The following PPARGC1A variants were observed in gnomAD, a reference collection of about 807,000 sequenced individuals.
The protein encoded by PPARGC1A is peroxisome proliferator-activated receptor gamma coactivator 1-alpha.
In PPARGC1A, 25 loss-of-function variants were observed where a neutral mutation model predicts 88.7. The ratio of observed to expected loss-of-function variants is 0.28; its 90% CI spans 0.21 to 0.39. PPARGC1A has a LOEUF of 0.39. Among genes scored for constraint, PPARGC1A ranks in the 10% least tolerant of loss-of-function variants. The probability of loss-of-function intolerance (pLI) is 1.00; values close to 1 mark genes in which losing one functional copy is unlikely to be tolerated. For synonymous variants in PPARGC1A, 363 were observed against 355.6 expected, an observed-to-expected ratio of 1.02 and a Z score of -0.24; for missense variants, 880 against 968.7, an observed-to-expected ratio of 0.91 and a Z score of 1.22.
chr4:24,109,298 T>TATACACAC, the PPARGC1A span, among the ~76,000 whole-genome samples: 1 of 131,872 alleles, frequency 7.6e-6, no homozygotes, highest in East Asian at 2.4e-4. Context: ...CATTTCATTA[T>TATACACAC]ACACACACAC....
At chr4:24,411,294 A>C in the PPARGC1A span, among the ~76,000 whole-genome samples, 1 of 152,196 alleles carries the variant, frequency 6.6e-6, no homozygotes, top group Non-Finnish European at 1.5e-5. Context: ...TTTACAATTA[A>C]CTCATAAGCT....
At chr4:23,835,198 C>T (rs564018701) in intron 2 of PPARGC1A, among the ~76,000 whole-genome samples, 6 of 152,272 alleles carry the variant, frequency 3.9e-5, no homozygotes, top group South Asian at 2.1e-4. Context: ...AATACAATGG[C>T]GCCTTAGCTC....
chr4:23,893,450 A>C (rs994583644), upstream of PPARGC1A, among the ~76,000 whole-genome samples: 4 of 152,186 alleles, frequency 2.6e-5, no homozygotes, highest in African/African-American at 9.6e-5. Context: ...TATTAGGATA[A>C]ATATATTTGT....
chr4:23,879,767 T>C (rs1560502467), intron 2 of PPARGC1A, among the ~76,000 whole-genome samples: 1 of 152,148 alleles, frequency 6.6e-6, no homozygotes, highest in Non-Finnish European at 1.5e-5. Context: ...AAATACCACC[T>C]CCATTATGTT....
the PPARGC1A span, among the ~76,000 whole-genome samples, chr4:24,061,054 TG>T: frequency 7.3e-4 from 109 of 150,192 alleles, no homozygotes; most frequent in African/African-American, 2.3e-3. Context: ...TTATTTGTTC[TG>T]GAAAAAAAAA....
the PPARGC1A span, among the ~76,000 whole-genome samples, chr4:24,223,019 C>G: frequency 6.6e-6 from 1 of 152,136 alleles, no homozygotes; most frequent in Non-Finnish European, 1.5e-5. Context: ...CACATATACT[C>G]AAGCATACCT....
chr4:23,961,574 G>A, the PPARGC1A span, among the ~76,000 whole-genome samples: 1 of 152,220 alleles, frequency 6.6e-6, no homozygotes, highest in South Asian at 2.1e-4. Context: ...GACTGAGAAG[G>A]ACTCGCTATC....
the PPARGC1A span, among the ~76,000 whole-genome samples, chr4:23,989,366 A>G: frequency 0.15 from 23,401 of 151,870 alleles, 1,892 homozygotes; most frequent in South Asian, 0.19. Context: ...CAAGTGGGTA[A>G]GGGAATAGGG....
the PPARGC1A span, among the ~76,000 whole-genome samples, chr4:24,080,084 C>T: frequency 2.0e-5 from 3 of 151,980 alleles, no homozygotes; most frequent in Non-Finnish European, 2.9e-5. Context: ...CAGAAAACTA[C>T]AGAAGCAACA....
At chr4:23,829,643 T>C (rs1458873504) in intron 3 of PPARGC1A, 58 bp from the exon 4 acceptor site, 2 of 1,488,132 alleles carry the variant, frequency 1.3e-6, no homozygotes, top group Non-Finnish European at 1.8e-6. Flanking sequence ...TTTTAAGCAT[T>C]GGAATAAGTT....
upstream of PPARGC1A, chr4:23,890,052 G>A (rs770375672): frequency 1.4e-4 from 221 of 1,570,980 alleles, 1 homozygote; most frequent in Middle Eastern, 3.4e-4. Context: ...CTTACTGAGA[G>A]TGAACTGAAG....
the PPARGC1A span, among the ~76,000 whole-genome samples, chr4:24,171,386 C>T: frequency 6.6e-6 from 1 of 151,932 alleles, no homozygotes; most frequent in African/African-American, 2.4e-5. Context: ...AGCCTGGTAA[C>T]AGAGCGAGAC....
At chr4:24,194,612 ACGCG>A in the PPARGC1A span, among the ~76,000 whole-genome samples, 263 of 56,714 alleles carry the variant, frequency 4.6e-3, 3 homozygotes, top group African/African-American at 0.011. Context: ...GCTGGCACAC[ACGCG>A]CGCGCACGCG....
At chr4:23,943,578 C>T in the PPARGC1A span, among the ~76,000 whole-genome samples, 4 of 152,016 alleles carry the variant, frequency 2.6e-5, no homozygotes, top group Non-Finnish European at 4.4e-5. Flanking sequence ...GTGGAACATC[C>T]ATGCAATGTG....
chr4:24,021,300 G>T, the PPARGC1A span, among the ~76,000 whole-genome samples: 2 of 152,162 alleles, frequency 1.3e-5, no homozygotes, highest in African/African-American at 4.8e-5. Context: ...ACAGGCTTAC[G>T]CTGGGTAGTG....
At chr4:24,409,109 AT>A in the PPARGC1A span, among the ~76,000 whole-genome samples, 4 of 152,192 alleles carry the variant, frequency 2.6e-5, no homozygotes, top group Admixed American at 6.5e-5. Context: ...AATCTTGAAT[AT>A]TTTTTAAATG....
At chr4:24,202,362 A>C in the PPARGC1A span, among the ~76,000 whole-genome samples, 1 of 152,150 alleles carries the variant, frequency 6.6e-6, no homozygotes, top group Non-Finnish European at 1.5e-5. Context: ...GATAATGACT[A>C]TGTTGTACTT....
chr4:23,822,262 C>G (rs1337525550), intron 7 of PPARGC1A, among the ~76,000 whole-genome samples: 1 of 152,070 alleles, frequency 6.6e-6, no homozygotes, highest in East Asian at 1.9e-4. Flanking sequence ...TGCTTTCTTG[C>G]TTCTGCTCCA....
chr4:23,940,140 T>C, the PPARGC1A span, among the ~76,000 whole-genome samples: 2 of 152,340 alleles, frequency 1.3e-5, no homozygotes, highest in East Asian at 3.9e-4. Context: ...CCTTCAATAA[T>C]TAATTTACCA....
Sources: gnomAD v4.1 joint callset for allele counts (sites outside exome capture counted in the v4.1 genomes callset) on GRCh38, gnomAD v4.1.1 for gene constraint, MANE v1.5 for transcripts, NCBI Gene and HGNC (gene_info 2026-07-23, HGNC 2026-07-21) for gene names.